The following THEMIS variants were observed in gnomAD, a reference collection of about 807,000 sequenced individuals.
The protein encoded by THEMIS is protein THEMIS.
THEMIS carries 37 observed loss-of-function variants against 52.6 expected under a neutral mutation model. That is an observed-to-expected ratio of 0.70 (90% CI 0.54 to 0.93). THEMIS has a LOEUF of 0.93. THEMIS is among the 40% of genes least tolerant of loss of function. THEMIS has a pLI of 0.00. For missense variants in THEMIS, 808 were observed against 763.1 expected (o/e 1.06, Z -0.69); for synonymous variants, 292 against 272.7 (o/e 1.07, Z -0.70).
At chr6:127,894,189 C>T (rs796700680) in intron 1 of THEMIS, among the ~76,000 whole-genome samples, 9 of 152,014 alleles carry the variant, frequency 5.9e-5, no homozygotes, top group African/African-American at 1.9e-4. Context: ...AAAACTCAAG[C>T]TATTTGGCAT....
At chr6:127,825,169 C>G (rs1778466110) in intron 3 of THEMIS, among the ~76,000 whole-genome samples, 1 of 151,748 alleles carries the variant, frequency 6.6e-6, no homozygotes, top group Non-Finnish European at 1.5e-5. Context: ...AAAAAAGGCC[C>G]TAGAAGATCA....
At chr6:127,903,711 A>T (rs1781202633), upstream of THEMIS, among the ~76,000 whole-genome samples, 1 of 151,822 alleles carries the variant, frequency 6.6e-6, no homozygotes, top group Admixed American at 6.6e-5. Flanking sequence ...TACTCCTGTA[A>T]ATCAAAAAGG....
chr6:127,800,413 C>T (rs772082673), intron 4 of THEMIS, among the ~76,000 whole-genome samples: 1 of 152,190 alleles, frequency 6.6e-6, no homozygotes, highest in Non-Finnish European at 1.5e-5. Context: ...GAATCATCAT[C>T]CCTAGCTTAG....
Position 127,709,570 on chromosome 6 carries a change from C to T in THEMIS, c.*415G>A, listed in dbSNP as rs1773904206. The T allele has an allele frequency of 1.3e-5, 2 of 156,924 alleles. No homozygotes were observed. Among genetic ancestry groups the T allele is most frequent in the African/African-American group, 2.4e-5 (1 of 41,512 alleles). 9.7% of individuals were successfully genotyped at this position (156,924 alleles called of 1,614,324 possible). On this transcript the variant is annotated 3_prime_UTR_variant, in exon 6 of 6. Coordinates refer to ENST00000368248, the MANE Select transcript of THEMIS (RefSeq NM_001010923.3). ...AGTCTTGTTAGGAATGATGATAGCA[C>T]TAAAAAATGGCAAAACAAATTCTGG...
intron 4 of THEMIS, among the ~76,000 whole-genome samples, chr6:127,725,387 A>G (rs781224716): frequency 2.0e-5 from 3 of 151,914 alleles, no homozygotes; most frequent in African/African-American, 4.8e-5. Context: ...GAATATGCAA[A>G]TTATCATTGT....
rs141907614 is a variant in THEMIS, at chr6:127,754,139, AT to A, written c.1759-34317del. The stretch of plus-strand genomic sequence containing the variant: ...TTAATATTTATTTCACATTTTTTAA[AT>A]GCTTTACAAAACATACATTATACAA... On this transcript the variant is annotated intron_variant, in intron 4 of 5. Transcript: ENST00000368248. Among the ~76,000 whole-genome samples, 985 of 152,242 alleles carry A rather than the reference AT, an allele frequency of 6.5e-3. 15 individuals are homozygous for A. The highest frequency in any genetic ancestry group is 0.023 in the African/African-American group (952 of 41,538).
intron 2 of THEMIS, among the ~76,000 whole-genome samples, chr6:127,844,136 T>C (rs1443514451): frequency 1.3e-5 from 2 of 152,164 alleles, no homozygotes; most frequent in East Asian, 1.9e-4. Context: ...GAGGTTCATA[T>C]TATATTTTTA....
At chr6:127,725,436 G>A (rs554245295) in intron 4 of THEMIS, among the ~76,000 whole-genome samples, 6 of 151,944 alleles carry the variant, frequency 3.9e-5, no homozygotes, top group Non-Finnish European at 8.8e-5. Context: ...CCTACTGTGT[G>A]TGTGTGTGTG....
At chr6:127,892,741 G>A (rs937302780) in intron 1 of THEMIS, among the ~76,000 whole-genome samples, 3 of 152,042 alleles carry the variant, frequency 2.0e-5, no homozygotes, top group Non-Finnish European at 4.4e-5. Flanking sequence ...TTACCCAGTT[G>A]CAACCTCGAA....
At chr6:127,857,218 G>A (rs1469649606) in intron 1 of THEMIS, among the ~76,000 whole-genome samples, 1 of 151,994 alleles carries the variant, frequency 6.6e-6, no homozygotes, top group African/African-American at 2.4e-5. Context: ...GTGTAATAAA[G>A]GAAATACAGG....
chr6:127,897,969 C>CT (rs1781022311), intron 1 of THEMIS, among the ~76,000 whole-genome samples: 2 of 151,590 alleles, frequency 1.3e-5, no homozygotes, highest in South Asian at 2.1e-4. Context: ...ATATATAAAA[C>CT]AGCATGGATT....
intron 4 of THEMIS, among the ~76,000 whole-genome samples, chr6:127,779,402 A>G (rs1776670656): frequency 6.6e-6 from 1 of 152,198 alleles, no homozygotes; most frequent in African/African-American, 2.4e-5. Flanking sequence ...ACATACAAGT[A>G]GGTTTTTCAA....
chr6:127,735,360 G>A (rs1014078269), intron 4 of THEMIS, among the ~76,000 whole-genome samples: 2 of 151,954 alleles, frequency 1.3e-5, no homozygotes, highest in Non-Finnish European at 2.9e-5. Flanking sequence ...TTGACAGAAA[G>A]CATTAGTCTG....
chr6:127,869,110 A>G (rs1780073709), intron 1 of THEMIS, among the ~76,000 whole-genome samples: 1 of 152,234 alleles, frequency 6.6e-6, no homozygotes, highest in African/African-American at 2.4e-5. Context: ...GTATATATGT[A>G]TGATATTTAT....
intron 4 of THEMIS, among the ~76,000 whole-genome samples, chr6:127,766,483 C>T: frequency 6.6e-6 from 1 of 152,066 alleles, no homozygotes; most frequent in East Asian, 1.9e-4. Context: ...TTTTCTTCCT[C>T]ACTTAAGTCA....
At chr6:127,844,079 T>C (rs1475755567) in intron 2 of THEMIS, among the ~76,000 whole-genome samples, 1 of 152,012 alleles carries the variant, frequency 6.6e-6, no homozygotes, top group Non-Finnish European at 1.5e-5. Context: ...ACTATGCAGA[T>C]ATATGTAAGT....
At chr6:127,825,763 G>T (rs1216339608) in intron 3 of THEMIS, among the ~76,000 whole-genome samples, 1 of 152,074 alleles carries the variant, frequency 6.6e-6, no homozygotes, top group Admixed American at 6.5e-5. Flanking sequence ...TAAATTAATA[G>T]AAAAGGTAGC....
intron 4 of THEMIS, among the ~76,000 whole-genome samples, chr6:127,780,723 C>T (rs142052544): frequency 0.012 from 1,804 of 152,210 alleles, 25 homozygotes; most frequent in African/African-American, 0.04. Flanking sequence ...GAATATTGGC[C>T]CCTACTCTCT....
chr6:127,902,324 CAAA>C (rs35320887), upstream of THEMIS, among the ~76,000 whole-genome samples: 10 of 109,764 alleles, frequency 9.1e-5, no homozygotes, highest in East Asian at 6.8e-4. Context: ...GACTCTGTCT[CAAA>C]AAAAAAAAAA....
Sources: allele counts gnomAD v4.1 joint callset (sites outside exome capture counted in the v4.1 genomes callset), GRCh38; gene constraint gnomAD v4.1.1; transcripts MANE v1.5; gene names NCBI Gene and HGNC (gene_info 2026-07-23, HGNC 2026-07-21).